The following CAST variants were observed in gnomAD, a reference collection of about 807,000 sequenced individuals.
The protein encoded by CAST is MIR583 host.
In CAST, 76 loss-of-function variants were observed where a neutral mutation model predicts 119.6. That is an observed-to-expected ratio of 0.64 (90% CI 0.53 to 0.77). The LOEUF (loss-of-function observed/expected upper bound fraction) is 0.77, where lower values mean the gene tolerates loss of function less well. Ranked by LOEUF, CAST falls within the 30% of genes least tolerant of loss-of-function variation. The pLI, the probability that CAST is intolerant of heterozygous loss-of-function variation, is 0.00. For synonymous variants in CAST, 319 were observed against 331.6 expected, an observed-to-expected ratio of 0.96 and a Z score of 0.41; for missense variants, 953 against 946.5, an observed-to-expected ratio of 1.01 and a Z score of -0.09.
At chr5:96,593,889 T>C (rs1467066619) in intron 1 of CAST, among the ~76,000 whole-genome samples, 1 of 152,228 alleles carries the variant, frequency 6.6e-6, no homozygotes, top group Non-Finnish European at 1.5e-5. Context: ...TAGATTTCTG[T>C]TGTTTTTAAG....
chr5:96,583,663 C>T (rs1333124462), intron 1 of CAST, among the ~76,000 whole-genome samples: 2 of 152,126 alleles, frequency 1.3e-5, no homozygotes, highest in South Asian at 2.1e-4. Flanking sequence ...TTATTATTTT[C>T]GTACAACTTT....
At chr5:96,553,379 T>C (rs1212480430) in intron 1 of CAST, among the ~76,000 whole-genome samples, 1 of 152,120 alleles carries the variant, frequency 6.6e-6, no homozygotes, top group Non-Finnish European at 1.5e-5. Context: ...TGCTAAAAAC[T>C]CTCATAAACT....
At chr5:96,629,596 A>G (rs1486619221) in intron 1 of CAST, among the ~76,000 whole-genome samples, 2 of 152,248 alleles carry the variant, frequency 1.3e-5, no homozygotes, top group African/African-American at 4.8e-5. Context: ...TCTTTCAGAC[A>G]GTGAACATAG....
intron 1 of CAST, among the ~76,000 whole-genome samples, chr5:96,623,604 A>T (rs1308747298): frequency 6.6e-6 from 1 of 152,216 alleles, no homozygotes; most frequent in East Asian, 1.9e-4. Flanking sequence ...TGTTTGCCTC[A>T]TGAAGGTTGA....
At chr5:96,132,650 G>A in the CAST span, among the ~76,000 whole-genome samples, 45 of 152,194 alleles carry the variant, frequency 3.0e-4, no homozygotes, top group African/African-American at 9.9e-4. Flanking sequence ...GTGACAATGT[G>A]TGATAAGGAA....
the CAST span, among the ~76,000 whole-genome samples, chr5:96,311,914 A>G: frequency 4.6e-5 from 7 of 151,976 alleles, no homozygotes; most frequent in African/African-American, 1.7e-4. Flanking sequence ...ACATTCAGGT[A>G]ATTATTTATA....
the CAST span, chr5:96,410,637 G>T: frequency 1.3e-6 from 1 of 756,952 alleles, no homozygotes; most frequent in East Asian, 2.5e-5. Flanking sequence ...CCTTTCAAGT[G>T]AGTAAGTGTG....
chr5:96,485,871 T>A, the CAST span, among the ~76,000 whole-genome samples: 94 of 152,114 alleles, frequency 6.2e-4, no homozygotes, highest in Admixed American at 2.9e-3. Context: ...ACCTTACAAT[T>A]ACTGGGGGTG....
chr5:96,082,042 T>C, the CAST span, among the ~76,000 whole-genome samples: 1 of 152,136 alleles, frequency 6.6e-6, no homozygotes, highest in Non-Finnish European at 1.5e-5. Context: ...GCCTCCCAAG[T>C]AGCTGGAACT....
At chr5:96,213,077 C>T in the CAST span, among the ~76,000 whole-genome samples, 1 of 152,060 alleles carries the variant, frequency 6.6e-6, no homozygotes, top group East Asian at 1.9e-4. Flanking sequence ...TATGATCATG[C>T]CACTGCACTC....
chr5:95,987,349 C>A, the CAST span, among the ~76,000 whole-genome samples: 1 of 151,986 alleles, frequency 6.6e-6, no homozygotes, highest in Admixed American at 6.6e-5. Context: ...AGAGGTAGAA[C>A]CTCATCACAA....
At chr5:96,258,654 G>A in the CAST span, among the ~76,000 whole-genome samples, 1 of 152,204 alleles carries the variant, frequency 6.6e-6, no homozygotes, top group Admixed American at 6.5e-5. Flanking sequence ...TGACATTTGG[G>A]TCCTACAGTT....
the CAST span, among the ~76,000 whole-genome samples, chr5:96,035,939 A>G: frequency 6.6e-6 from 1 of 151,984 alleles, no homozygotes; most frequent in African/African-American, 2.4e-5. Flanking sequence ...ACTAGGCAAA[A>G]CAGCTCTCTT....
At chr5:96,659,209 G>A (rs1748209383), upstream of CAST, among the ~76,000 whole-genome samples, 1 of 152,196 alleles carries the variant, frequency 6.6e-6, no homozygotes, top group African/African-American at 2.4e-5. Flanking sequence ...GGTGTTGCAA[G>A]AATTACCAAA....
the CAST span, among the ~76,000 whole-genome samples, chr5:96,109,907 T>G: frequency 2.0e-5 from 3 of 151,688 alleles, no homozygotes; most frequent in Non-Finnish European, 4.4e-5. Flanking sequence ...TCTATTTTAG[T>G]ATATTTAAAG....
chr5:96,636,762 G>C (rs551200481), intron 1 of CAST, among the ~76,000 whole-genome samples: 2 of 152,278 alleles, frequency 1.3e-5, no homozygotes, highest in South Asian at 4.1e-4. Flanking sequence ...GGCTGGTGGG[G>C]GAAAGGGCTC....
At chr5:96,251,927 T>C in the CAST span, among the ~76,000 whole-genome samples, 2 of 152,150 alleles carry the variant, frequency 1.3e-5, no homozygotes, top group Non-Finnish European at 2.9e-5. Context: ...CTATTATTTC[T>C]CAATCTTTAC....
At chr5:96,319,457 G>A in the CAST span, among the ~76,000 whole-genome samples, 1 of 152,136 alleles carries the variant, frequency 6.6e-6, no homozygotes, top group Non-Finnish European at 1.5e-5. Context: ...TTGAACCCAG[G>A]GATTTGAACC....
chr5:96,615,192 T>C (rs1580846303), intron 1 of CAST, among the ~76,000 whole-genome samples: 1 of 152,236 alleles, frequency 6.6e-6, no homozygotes, highest in African/African-American at 2.4e-5. Context: ...GCTATTGTAA[T>C]TGTTGGAGCA....
Sources: allele counts gnomAD v4.1 joint callset (sites outside exome capture counted in the v4.1 genomes callset), GRCh38; gene constraint gnomAD v4.1.1; transcripts MANE v1.5; gene names NCBI Gene and HGNC (gene_info 2026-07-23, HGNC 2026-07-21).